The following OR2A14 variants were observed in gnomAD, a reference collection of about 807,000 sequenced individuals.
OR2A14 encodes olfactory receptor family 2 subfamily A member 14.
OR2A14 carries 2 observed loss-of-function variants against 2.4 expected under a neutral mutation model. That is an observed-to-expected ratio of 0.85 (90% CI 0.35 to 2.67). OR2A14 has a LOEUF of 2.67. OR2A14 is among the 30% of genes most tolerant of loss of function. The pLI, the probability that OR2A14 is intolerant of heterozygous loss-of-function variation, is 0.10. For missense variants in OR2A14, 390 were observed against 379.4 expected (o/e 1.03, Z -0.23); for synonymous variants, 160 against 156.3 (o/e 1.02, Z -0.18).
chr7:144,128,129 C>T (rs951357606), intron 1 of OR2A14, among the ~76,000 whole-genome samples: 1 of 152,184 alleles, frequency 6.6e-6, no homozygotes, highest in Non-Finnish European at 1.5e-5. Flanking sequence ...TGACAAAAGA[C>T]TCTGTCACAC....
Position 144,129,946 on chromosome 7 carries a change from C to G in OR2A14, c.834C>G (p.Ser278Arg). The change falls in exon 2 of 2, where the codon AGC (serine) becomes AGG (arginine). Residue 278 changes from serine (S) to arginine (R), a missense_variant. Transcript: ENST00000641068. ...AGAAAGTTCTTTCCCTGTTTTACAG[C>G]CTTTTCAATCCAATGCTGAACCCCC... ...EQQKVLSLFY[S>R]LFNPMLNPLI... 1 of 1,614,180 alleles carries G rather than the reference C, an allele frequency of 6.2e-7. No individual in the cohort carries two copies.
At chr7:144,125,125 AT>A (rs2128806866) in intron 1 of OR2A14, among the ~76,000 whole-genome samples, 1 of 152,298 alleles carries the variant, frequency 6.6e-6, no homozygotes, top group South Asian at 2.1e-4. Context: ...TGTGGTCAAC[AT>A]TTTACATTTG....
In OR2A14 at chr7:144,129,153, C is replaced by T. The variant is rs765982275; in HGVS notation, c.41C>T (p.Pro14Leu). ...NKTWITDITL[P>L]RFQVGPALEI... is the part of the protein sequence containing the mutation. ...ACATGGATCACAGACATCACCTTGC[C>T]GCGATTCCAGGTTGGTCCAGCACTG... Residue 14 changes from proline (P) to leucine (L), a missense_variant, in exon 2 of 2, where the codon CCG becomes CTG. Physicochemically the swap from Pro to Leu is moderately conservative, Grantham distance 98. Coordinates refer to ENST00000641068, the MANE Select transcript of OR2A14 (RefSeq NM_001001659.3). 9.9e-6 allele frequency: 16 copies of T among 1,612,108 alleles called. No individual in the cohort carries two copies. The highest frequency in any genetic ancestry group is 3.3e-4 in the Middle Eastern group (2 of 6,080).
chr7:144,130,234 A>G lies in OR2A14; in HGVS notation c.*189A>G. On this transcript the variant is annotated 3_prime_UTR_variant, in exon 2 of 2. Transcript: ENST00000641068. ...AATGCATTTATAATACTGGATAGGC[A>G]TAAATTCATAAAGAAGACACAAAAG... is the stretch of plus-strand genomic sequence containing the variant. The G allele has an allele frequency of 4.3e-6, 2 of 467,828 alleles. No homozygotes were observed. Among genetic ancestry groups the G allele is most frequent in the Non-Finnish European group, 7.4e-6 (2 of 271,782 alleles). 29.0% of individuals were successfully genotyped at this position (467,828 alleles called of 1,614,324 possible). A position where few individuals can be genotyped will look rare whatever the true frequency, so the allele number is the denominator to read the frequency against.
In OR2A14 at chr7:144,123,501, C is replaced by T. The variant is rs118095466; in HGVS notation, c.-35+237C>T. ...CCTTCTCGGCCCCTCCATCCATATC[C>T]CCTCATTACCCTGTGGCAGCTCCTG... is the stretch of plus-strand genomic sequence containing the variant. On this transcript the variant is annotated intron_variant, in intron 1 of 1. Transcript: ENST00000641068. Among the ~76,000 whole-genome samples, 66 of 152,234 alleles carry T rather than the reference C, an allele frequency of 4.3e-4. No homozygotes were observed. The East Asian group carries it at 0.012, about 27-fold the overall frequency.
In OR2A14 at chr7:144,130,242, A is replaced by C. The variant is rs1049151174; in HGVS notation, c.*197A>C. On this transcript the variant is annotated 3_prime_UTR_variant, in exon 2 of 2. Transcript: ENST00000641068. ...TATAATACTGGATAGGCATAAATTC[A>C]TAAAGAAGACACAAAAGTCCCTAGA... 2.2e-6 allele frequency: 1 copy of C among 452,486 alleles called. No homozygotes were observed. The highest frequency in any genetic ancestry group is 2.0e-5 in the African/African-American group (1 of 51,002). 28.0% of individuals were successfully genotyped at this position (452,486 alleles called of 1,614,324 possible). A position where few individuals can be genotyped will look rare whatever the true frequency, so the allele number is the denominator to read the frequency against.
At position 144,123,502 on chromosome 7, in the gene OR2A14, C is replaced by T. The variant is rs760072873; in HGVS notation, c.-35+238C>T. On this transcript the variant is annotated intron_variant, in intron 1 of 1. Coordinates refer to ENST00000641068, the MANE Select transcript of OR2A14 (RefSeq NM_001001659.3). Reference sequence around the variant, plus strand: ...CTTCTCGGCCCCTCCATCCATATCCCCTCATTACCCTGTGGCAGCTCCTGG... The same window carrying T: ...CTTCTCGGCCCCTCCATCCATATCCTCTCATTACCCTGTGGCAGCTCCTGG... 3.3e-5 allele frequency among the ~76,000 whole-genome samples: 5 copies of T among 152,270 alleles called. No homozygotes were observed. In the South Asian group the frequency reaches 1.0e-3, roughly 32 times the overall value.
At chr7:144,126,921 G>A (rs1185904536) in intron 1 of OR2A14, among the ~76,000 whole-genome samples, 1 of 151,966 alleles carries the variant, frequency 6.6e-6, no homozygotes, top group Non-Finnish European at 1.5e-5. Context: ...CAAGCAGATA[G>A]AAATGCATGC....
chr7:144,124,005 T>A (rs1172237619), intron 1 of OR2A14, among the ~76,000 whole-genome samples: 1 of 149,802 alleles, frequency 6.7e-6, no homozygotes, highest in Non-Finnish European at 1.5e-5. Flanking sequence ...ATGCATTTAA[T>A]CCTCACAACT....
At chr7:144,125,063 A>G (rs780265666) in intron 1 of OR2A14, among the ~76,000 whole-genome samples, 1 of 152,200 alleles carries the variant, frequency 6.6e-6, no homozygotes, top group Non-Finnish European at 1.5e-5. Flanking sequence ...TTAAATTCCT[A>G]TAATGTACCA....
intron 1 of OR2A14, among the ~76,000 whole-genome samples, chr7:144,123,846 G>A (rs2051462486): frequency 6.6e-6 from 1 of 151,028 alleles, no homozygotes; most frequent in Non-Finnish European, 1.5e-5. Context: ...TCAGGGTACA[G>A]GTTCTCTTTT....
rs761566585 is a variant in OR2A14 at position 144,129,231 on chromosome 7, G to GGAAT, written c.121_124dup (p.Gly42GlufsTer13). 1.1e-5 allele frequency: 18 copies of GGAAT among 1,613,980 alleles called. No homozygotes were observed. Among genetic ancestry groups the GGAAT allele is most frequent in the Non-Finnish European group, 1.4e-5 (17 of 1,179,964 alleles). On this transcript the variant is annotated frameshift_variant, in exon 2 of 2. Transcript: ENST00000641068. LOFTEE classifies it low-confidence loss of function (END_TRUNC). ...GCCTTCTATACACTCACCCTGCTGG[G>GGAAT]GAATGGGGTCATCTTTGGGATTATC...
At position 144,129,111 on chromosome 7, in the gene OR2A14, G is replaced by T. The variant is rs1244981445; in HGVS notation, c.-2G>T. On this transcript the variant is annotated 5_prime_UTR_variant, in exon 2 of 2. Transcript: ENST00000641068. ...CTTCCTGTCCTAGATGTCCACAAGA[G>T]CATGGAAGGCAACAAGACATGGATC... 1.2e-6 allele frequency: 2 copies of T among 1,610,650 alleles called. No individual in the cohort carries two copies. The highest frequency in any genetic ancestry group is 1.7e-5 in the Admixed American group (1 of 59,954).
Position 144,129,854 on chromosome 7 carries a change from G to A in OR2A14, c.742G>A (p.Gly248Arg). 1 of 1,614,174 alleles carries A rather than the reference G, an allele frequency of 6.2e-7. No individual in the cohort carries two copies. The highest frequency in any genetic ancestry group is 8.5e-7 in the Non-Finnish European group (1 of 1,180,036). ...STCSSHLCVV[G>R]LFFGSAIVTY... is the part of the protein sequence containing the mutation. Reference sequence around the variant, plus strand: ...CTGCTCCTCCCACCTTTGCGTGGTGGGACTCTTCTTTGGCAGCGCCATTGT... The same window carrying A: ...CTGCTCCTCCCACCTTTGCGTGGTGAGACTCTTCTTTGGCAGCGCCATTGT... Residue 248 changes from glycine to arginine, a missense_variant, in exon 2 of 2, where the codon GGA becomes AGA. Transcript: ENST00000641068.
rs775767908 is a variant in OR2A14, at chr7:144,129,852, T to G, written c.740T>G (p.Val247Gly). Reference protein sequence around the residue: ...FSTCSSHLCVVGLFFGSAIVT... With the variant: ...FSTCSSHLCVGGLFFGSAIVT... The stretch of plus-strand genomic sequence containing the variant: ...ACCTGCTCCTCCCACCTTTGCGTGG[T>G]GGGACTCTTCTTTGGCAGCGCCATT... The change falls in exon 2 of 2, where the codon GTG (valine) becomes GGG (glycine). Residue 247 changes from valine (V) to glycine (G), a missense_variant. By Grantham distance (109) the Val-to-Gly change is moderately radical. Coordinates refer to ENST00000641068, the MANE Select transcript of OR2A14 (RefSeq NM_001001659.3). 2.5e-6 allele frequency: 4 copies of G among 1,614,212 alleles called. No individual in the cohort carries two copies. Among genetic ancestry groups the G allele is most frequent in the Non-Finnish European group, 3.4e-6 (4 of 1,180,032 alleles).
chr7:144,129,902 C>T lies in OR2A14; in HGVS notation c.790C>T (p.Arg264Cys). Residue 264 changes from arginine (R) to cysteine (C), a missense_variant, in exon 2 of 2, where the codon CGC becomes TGC. Transcript: ENST00000641068. ...AIVTYMAPKS[R>C]HPEEQQKVLS... is the part of the protein sequence containing the mutation. ...TGTCACGTACATGGCCCCCAAGTCC[C>T]GCCATCCTGAGGAGCAGCAGAAAGT... The T allele has an allele frequency of 2.5e-6, 4 of 1,614,200 alleles. No homozygotes were observed. The highest frequency in any genetic ancestry group is 2.2e-5 in the East Asian group (1 of 44,874).
Position 144,131,012 on chromosome 7 carries a change from C to T in OR2A14, c.*967C>T, listed in dbSNP as rs1441528561. ...AAACTAGCATAGTTCCAGCTGATCC[C>T]ACTTTAGAGACCCTCACTGGGTGGG... On this transcript the variant is annotated 3_prime_UTR_variant, in exon 2 of 2. Transcript: ENST00000641068. The T allele has an allele frequency of 1.3e-5, 2 of 152,202 alleles. No individual in the cohort carries two copies. The highest frequency in any genetic ancestry group is 4.8e-5 in the African/African-American group (2 of 41,428). The allele number at this position is 152,202 out of a possible 1,614,324, so 9.4% of individuals were successfully genotyped here.
At position 144,129,784 on chromosome 7, in the gene OR2A14, C is replaced by T; in HGVS notation, c.672C>T (p.Ile224=). 1 of 1,614,082 alleles carries T rather than the reference C, an allele frequency of 6.2e-7. No homozygotes were observed. Among genetic ancestry groups the T allele is most frequent in the East Asian group, 2.2e-5 (1 of 44,884 alleles). Reference sequence around the variant, plus strand: ...CCTACTTGCGCATCCTGGCCGCCATCTTGAGGATCCAGTCTGGGGAGGGCC... The same window carrying T: ...CCTACTTGCGCATCCTGGCCGCCATTTTGAGGATCCAGTCTGGGGAGGGCC... ...LVSYLRILAA[I]LRIQSGEGRR... is the part of the protein sequence containing the mutation. The change falls in exon 2 of 2, where the codon ATC becomes ATT. Residue 224 remains isoleucine, a synonymous_variant. Transcript: ENST00000641068.
chr7:144,127,398 A>G (rs2051489208), intron 1 of OR2A14, among the ~76,000 whole-genome samples: 1 of 152,234 alleles, frequency 6.6e-6, no homozygotes, highest in Non-Finnish European at 1.5e-5. Context: ...TAAAATAGGG[A>G]TAAAAACCTT....
Sources: gnomAD v4.1 joint callset for allele counts (sites outside exome capture counted in the v4.1 genomes callset) on GRCh38, gnomAD v4.1.1 for gene constraint, MANE v1.5 for transcripts, NCBI Gene and HGNC (gene_info 2026-07-23, HGNC 2026-07-21) for gene names.